LRP2: variants seen among roughly 807,000 people sequenced by gnomAD.
The protein encoded by LRP2 is low-density lipoprotein receptor-related protein 2.
In LRP2, 172 loss-of-function variants were observed where a neutral mutation model predicts 531.0. The ratio of observed to expected loss-of-function variants is 0.32; its 90% CI spans 0.29 to 0.37. The LOEUF is 0.37. LRP2 is among the 10% of genes least tolerant of loss of function. The pLI is 1.00. For synonymous variants in LRP2, 1,992 were observed against 2,027.6 expected (o/e 0.98, Z 0.47); for missense variants, 5,167 against 5,868.3 (o/e 0.88, Z 3.90).
Position 169,204,146 on chromosome 2 carries a change from C to A in LRP2, c.7841G>T (p.Arg2614Ile). ...YIYWTDLYTQRIYRANKYDGS... is the reference protein window; with the variant it reads ...YIYWTDLYTQIIYRANKYDGS... ...GTCATATTTGTTAGCTCGGTAAATT[C>A]TTTGTGTGTACAAGTCAGTCCAGTA... is the stretch of plus-strand genomic sequence containing the variant. Residue 2614 changes from arginine to isoleucine, a missense_variant, in exon 42 of 79, where the codon AGA becomes ATA. This residue lies in a region of LRP2 where 1,129 missense variants were observed against 1,362.7 expected (regional missense o/e 0.83). Transcript: ENST00000649046. 2.5e-6 allele frequency: 4 copies of A among 1,614,168 alleles called. No individual in the cohort carries two copies. The highest frequency in any genetic ancestry group is 3.4e-6 in the Non-Finnish European group (4 of 1,180,032).
chr2:169,325,183 T>C (rs1386473077), intron 1 of LRP2, among the ~76,000 whole-genome samples: 1 of 152,134 alleles, frequency 6.6e-6, no homozygotes, highest in Non-Finnish European at 1.5e-5. Context: ...CAAAGACAAG[T>C]GGTAGTCAAT....
chr2:169,232,894 G>A (rs566122967), intron 30 of LRP2, among the ~76,000 whole-genome samples: 32 of 152,302 alleles, frequency 2.1e-4, no homozygotes, highest in African/African-American at 7.5e-4. Context: ...AGAGGATTAA[G>A]TGAAGATTAA....
chr2:169,315,153 A>T (rs1684725232), intron 3 of LRP2, among the ~76,000 whole-genome samples: 1 of 152,228 alleles, frequency 6.6e-6, no homozygotes, highest in Non-Finnish European at 1.5e-5. Flanking sequence ...TAATGCTGAG[A>T]TTCATCTATT....
chr2:169,308,680 CAT>C, intron 3 of LRP2, among the ~76,000 whole-genome samples: 1 of 152,298 alleles, frequency 6.6e-6, no homozygotes, highest in South Asian at 2.1e-4. Flanking sequence ...CCACAAAAAA[CAT>C]ATGTGTGCAT....
chr2:169,315,515 G>A (rs1030802466), intron 3 of LRP2, among the ~76,000 whole-genome samples: 4 of 152,304 alleles, frequency 2.6e-5, no homozygotes, highest in South Asian at 4.1e-4. Context: ...CTTGCACGGA[G>A]ACAAAAGGCT....
intron 34 of LRP2, 61 bp from the exon 35 acceptor site, chr2:169,216,491 T>G: frequency 6.6e-7 from 1 of 1,509,852 alleles, no homozygotes; most frequent in Non-Finnish European, 9.2e-7. Flanking sequence ...GTCAGTGACA[T>G]AAATGACAAT....
Position 169,264,948 on chromosome 2 carries a change from T to G in LRP2, c.2321-5731A>C, listed in dbSNP as rs573503698. ...CACAGAACTGAGATGGATGTGGAAC[T>G]GAGTACAGGAGGATTATAGGAATAC... On this transcript the variant is annotated intron_variant, in intron 16 of 78. Transcript: ENST00000649046. Among the ~76,000 whole-genome samples the G allele has an allele frequency of 3.3e-5, 5 of 152,108 alleles. No homozygotes were observed. In the East Asian group the frequency reaches 9.7e-4, roughly 30 times the overall value.
intron 47 of LRP2, among the ~76,000 whole-genome samples, chr2:169,193,477 C>A: frequency 6.7e-6 from 1 of 149,336 alleles, no homozygotes; most frequent in East Asian, 1.9e-4. Flanking sequence ...AAGGAGACAA[C>A]CAAGTATTTG....
Position 169,226,495 on chromosome 2 carries a change from A to G in LRP2, c.5321T>C (p.Ile1774Thr), listed in dbSNP as rs1298797271. 1.2e-6 allele frequency: 2 copies of G among 1,613,004 alleles called. No homozygotes were observed. Among genetic ancestry groups the G allele is most frequent in the Admixed American group, 1.7e-5 (1 of 59,990 alleles). The change falls in exon 32 of 79, where the codon ATA (isoleucine) becomes ACA (threonine). Residue 1774 changes from isoleucine (I) to threonine (T), a missense_variant. Around this residue, in one of 6 missense-constraint regions of LRP2, gnomAD observed 2,811 missense variants for 3,058.0 expected, o/e 0.92. Coordinates refer to ENST00000649046, the MANE Select transcript of LRP2 (RefSeq NM_004525.3). ...ATCTAAACCATTCTGTATCCCTGCT[A>G]TGGGGACCATAGCATCATTGCTCTT... Reference protein sequence around the residue: ...EVKSNDAMVPIAGIQNGLDVE... With the variant: ...EVKSNDAMVPTAGIQNGLDVE...
intron 10 of LRP2, among the ~76,000 whole-genome samples, chr2:169,281,878 A>C (rs933936753): frequency 6.6e-6 from 1 of 152,164 alleles, no homozygotes; most frequent in African/African-American, 2.4e-5. Context: ...AAATACAGTT[A>C]AATATCTATA....
Position 169,206,476 on chromosome 2 carries a change from A to G in LRP2, c.7244T>C (p.Ile2415Thr). 5 of 1,614,114 alleles carry G rather than the reference A, an allele frequency of 3.1e-6. No homozygotes were observed. The highest frequency in any genetic ancestry group is 4.2e-6 in the Non-Finnish European group (5 of 1,179,992). ...PENHSPPFQT[I>T]NVERTVMSLD... is the part of the protein sequence containing the mutation. ...AGACATGACAGTTCTTTCCACATTT[A>G]TTGTTTGGAAAGGTGGGCTATGGTT... Residue 2415 changes from isoleucine (I) to threonine (T), a missense_variant, in exon 39 of 79, where the codon ATA becomes ACA. By Grantham distance (89) the Ile-to-Thr change is moderately conservative. This residue lies in a region of LRP2 where 2,811 missense variants were observed against 3,058.0 expected (regional missense o/e 0.92). Coordinates refer to ENST00000649046, the MANE Select transcript of LRP2 (RefSeq NM_004525.3).
In LRP2 at chr2:169,132,845, A is replaced by G. The variant is rs75431141; in HGVS notation, c.13621-164T>C. On this transcript the variant is annotated intron_variant, in intron 76 of 78. Coordinates refer to ENST00000649046, the MANE Select transcript of LRP2 (RefSeq NM_004525.3). ...ATGACCCAGTAGGCCAGGACTAAACATCACTCCCACCGCCCCAAAATCAAG... is the reference window on the plus strand; with the variant it reads ...ATGACCCAGTAGGCCAGGACTAAACGTCACTCCCACCGCCCCAAAATCAAG... Among the ~76,000 whole-genome samples, 7,617 of 152,236 alleles carry G rather than the reference A, an allele frequency of 0.05. 187 individuals are homozygous for G. Among genetic ancestry groups the G allele is most frequent in the South Asian group, 0.062 (301 of 4,820 alleles).
chr2:169,127,562 A>G lies in LRP2; in HGVS notation c.*1101T>C, dbSNP rs1685141665. 1 of 151,472 alleles carries G rather than the reference A, an allele frequency of 6.6e-6. No homozygotes were observed. Among genetic ancestry groups the G allele is most frequent in the Admixed American group, 6.6e-5 (1 of 15,122 alleles). The allele number at this position is 151,472 out of a possible 1,614,324, so 9.4% of individuals were successfully genotyped here. A position where few individuals can be genotyped will look rare whatever the true frequency, so the allele number is the denominator to read the frequency against. On this transcript the variant is annotated 3_prime_UTR_variant, in exon 79 of 79. Transcript: ENST00000649046. Reference sequence around the variant, plus strand: ...AAAAAAAAAAAAAAAAAAACCAATAAGAATTAAAGAAAAGATCTGGACTGT... The same window carrying G: ...AAAAAAAAAAAAAAAAAAACCAATAGGAATTAAAGAAAAGATCTGGACTGT...
At chr2:169,346,430 A>G (rs78599395) in intron 1 of LRP2, among the ~76,000 whole-genome samples, 2 of 151,794 alleles carry the variant, frequency 1.3e-5, no homozygotes, top group African/African-American at 2.4e-5. Context: ...AGTGACCTTG[A>G]AAAAAAAATG....
At chr2:169,291,729 T>C (rs1459020230) in intron 7 of LRP2, among the ~76,000 whole-genome samples, 1 of 152,172 alleles carries the variant, frequency 6.6e-6, no homozygotes, top group African/African-American at 2.4e-5. Flanking sequence ...CCAACCCACG[T>C]GTTCCCAAGG....
intron 17 of LRP2, among the ~76,000 whole-genome samples, chr2:169,258,133 G>C (rs1395812443): frequency 6.6e-6 from 1 of 152,072 alleles, no homozygotes; most frequent in Admixed American, 6.6e-5. Context: ...ATCTTACAGA[G>C]AGGAAATTAA....
rs1292259614 is a variant in LRP2, at chr2:169,188,097, C to G, written c.9201G>C (p.Leu3067=). ...CGDGSDELMH[L]CHTPEPTCPP... is the part of the protein sequence containing the mutation. ...GACACGTGGGTTCTGGGGTGTGGCA[C>G]AGGTGCATCAGCTCATCAGATCCGT... The change falls in exon 49 of 79, where the codon CTG becomes CTC. Residue 3067 remains leucine (L), a synonymous_variant. Transcript: ENST00000649046. 6.2e-7 allele frequency: 1 copy of G among 1,614,010 alleles called. No homozygotes were observed. Among genetic ancestry groups the G allele is most frequent in the Non-Finnish European group, 8.5e-7 (1 of 1,180,030 alleles).
At chr2:169,309,817 T>C (rs181750971) in intron 3 of LRP2, among the ~76,000 whole-genome samples, 85 of 152,354 alleles carry the variant, frequency 5.6e-4, no homozygotes, top group African/African-American at 1.9e-3. Context: ...CCTTGGGCAG[T>C]ATGGCCATTT....
At position 169,160,654 on chromosome 2, in the gene LRP2, C is replaced by G. The variant is rs531373639; in HGVS notation, c.11887+1818G>C. 3.0e-4 allele frequency among the ~76,000 whole-genome samples: 39 copies of G among 130,324 alleles called. 1 individual carries two copies. In the South Asian group the frequency reaches 0.01, roughly 34 times the overall value. 85.5% of individuals were successfully genotyped at this position (130,324 alleles called of 152,430 possible). ...TCTGAAAAGAGAAGCTGCTTCCATA[C>G]CCGAATTGTTTGTGCTACTTATTTC... On this transcript the variant is annotated intron_variant, in intron 63 of 78. Coordinates refer to ENST00000649046, the MANE Select transcript of LRP2 (RefSeq NM_004525.3).
Sources: gnomAD v4.1 joint callset for allele counts (sites outside exome capture counted in the v4.1 genomes callset) on GRCh38, gnomAD v4.1.1 for gene constraint, gnomAD v4.1.1 regional missense constraint, MANE v1.5 for transcripts, NCBI Gene and HGNC (gene_info 2026-07-23, HGNC 2026-07-21) for gene names.